OIP5: variants seen among roughly 807,000 people sequenced by gnomAD.
OIP5 encodes the protein Opa interacting protein 5, also known as protein Mis18-beta.
OIP5 carries 24 observed loss-of-function variants against 20.3 expected under a neutral mutation model. The observed-to-expected ratio is 1.18, with a 90% CI of 0.86 to 1.66. OIP5 has a LOEUF of 1.66. Ranked by LOEUF, OIP5 falls within the 40% of genes most tolerant of loss-of-function variation. The pLI is 0.00. For synonymous variants in OIP5, 143 were observed against 121.3 expected, an observed-to-expected ratio of 1.18 and a Z score of -1.17; for missense variants, 339 against 289.5, an observed-to-expected ratio of 1.17 and a Z score of -1.24.
chr15:41,321,966 G>C (rs189195236), intron 2 of OIP5, among the ~76,000 whole-genome samples: 9 of 151,488 alleles, frequency 5.9e-5, no homozygotes, highest in Non-Finnish European at 1.0e-4. Context: ...AAAAAAATGC[G>C]CAGACTAAAA....
intron 2 of OIP5, among the ~76,000 whole-genome samples, chr15:41,325,134 G>A (rs188495175): frequency 6.6e-4 from 101 of 152,204 alleles, no homozygotes; most frequent in Admixed American, 6.5e-5. Context: ...AGAATTGGCC[G>A]GGCGCAGTGG....
intron 2 of OIP5, among the ~76,000 whole-genome samples, chr15:41,322,089 T>C (rs964265770): frequency 1.6e-4 from 25 of 152,150 alleles, no homozygotes; most frequent in African/African-American, 5.8e-4. Context: ...TCATTACAAT[T>C]CTTGAGCAAG....
At chr15:41,318,304 G>A (rs186250157) in intron 3 of OIP5, among the ~76,000 whole-genome samples, 6 of 152,288 alleles carry the variant, frequency 3.9e-5, no homozygotes, top group African/African-American at 1.4e-4. Flanking sequence ...TGCGACCACA[G>A]GCGTGTGCCA....
At chr15:41,309,879 C>T in intron 4 of OIP5, 30 bp from the exon 5 acceptor site, 6 of 1,482,444 alleles carry the variant, frequency 4.0e-6, no homozygotes, top group Non-Finnish European at 5.6e-6. Context: ...GATATCAGGG[C>T]ATCTTTTTTT....
At chr15:41,317,570 AC>A (rs2047795925) in intron 3 of OIP5, among the ~76,000 whole-genome samples, 1 of 151,540 alleles carries the variant, frequency 6.6e-6, no homozygotes, top group African/African-American at 2.4e-5. Flanking sequence ...TTTAGTAGAG[AC>A]GGGGTTTCCC....
intron 2 of OIP5, among the ~76,000 whole-genome samples, chr15:41,323,645 A>G (rs1197758093): frequency 6.6e-6 from 1 of 151,848 alleles, no homozygotes. Flanking sequence ...TAATTTTTAA[A>G]TTTTTCGTAG....
intron 2 of OIP5, among the ~76,000 whole-genome samples, chr15:41,327,077 TA>T (rs199500490): frequency 0.22 from 31,994 of 143,696 alleles, 3,552 homozygotes; most frequent in Non-Finnish European, 0.26. Flanking sequence ...CTCCAGGAAT[TA>T]AAAAAAAAAA....
chr15:41,321,509 A>G (rs2047828090), intron 2 of OIP5, among the ~76,000 whole-genome samples: 1 of 152,234 alleles, frequency 6.6e-6, no homozygotes. Flanking sequence ...AAAGATTGAG[A>G]AATCGGATGG....
At chr15:41,316,810 A>AG in intron 3 of OIP5, among the ~76,000 whole-genome samples, 1 of 150,774 alleles carries the variant, frequency 6.6e-6, no homozygotes, top group South Asian at 2.1e-4. Flanking sequence ...AAAAAAAAAA[A>AG]GACATGAGAA....
intron 2 of OIP5, among the ~76,000 whole-genome samples, chr15:41,321,212 C>T (rs925293716): frequency 2.0e-5 from 3 of 148,910 alleles, no homozygotes; most frequent in African/African-American, 5.0e-5. Flanking sequence ...GGGGGGTCAG[C>T]CCCCCGCCCG....
intron 4 of OIP5, among the ~76,000 whole-genome samples, chr15:41,311,298 A>G (rs1289801019): frequency 1.3e-5 from 2 of 152,196 alleles, no homozygotes; most frequent in Non-Finnish European, 2.9e-5. Flanking sequence ...TATTTTTAGT[A>G]GAGACAAGGA....
chr15:41,324,583 G>A (rs1036895694), intron 2 of OIP5, among the ~76,000 whole-genome samples: 12 of 151,966 alleles, frequency 7.9e-5, no homozygotes, highest in African/African-American at 2.4e-4. Flanking sequence ...TCCGCCTCCC[G>A]GGTTCAAGCA....
At position 41,309,834 on chromosome 15, in the gene OIP5, C is replaced by A. The variant is rs757115076; in HGVS notation, c.610G>T (p.Val204Leu). The A allele has an allele frequency of 3.1e-6, 5 of 1,612,086 alleles. No individual in the cohort carries two copies. Among genetic ancestry groups the A allele is most frequent in the Non-Finnish European group, 4.2e-6 (5 of 1,178,462 alleles). Residue 204 changes from valine (V) to leucine (L), a missense_variant, in exon 5 of 5, where the codon GTG (valine) becomes TTG (leucine). Val to Leu is a conservative substitution (Grantham distance 32). Coordinates refer to ENST00000220514, the MANE Select transcript of OIP5 (RefSeq NM_007280.2). The stretch of plus-strand genomic sequence containing the variant: ...GATTTTAAGCGATTGTGCGTTAGCA[C>A]TATCTTCTCTTTCAGCTAGGAAGAG... ...EKIAELKEKI[V>L]LTHNRLKSLM...
At chr15:41,325,721 G>T (rs149670004) in intron 2 of OIP5, among the ~76,000 whole-genome samples, 2 of 150,930 alleles carry the variant, frequency 1.3e-5, no homozygotes, top group African/African-American at 4.9e-5. Context: ...GTGGTGGCAC[G>T]CACCTGTAAT....
intron 3 of OIP5, among the ~76,000 whole-genome samples, chr15:41,316,698 G>A (rs978845317): frequency 6.8e-6 from 1 of 146,998 alleles, no homozygotes; most frequent in Non-Finnish European, 1.5e-5. Context: ...GCTGAGGCAG[G>A]AGAATGGTGT....
In OIP5 at chr15:41,316,060, G is replaced by A. The variant is rs534554292; in HGVS notation, c.513-2706C>T. Among the ~76,000 whole-genome samples the A allele has an allele frequency of 3.8e-3, 585 of 152,212 alleles. 5 individuals carry two copies. The highest frequency in any genetic ancestry group is 0.013 in the African/African-American group (552 of 41,536). Reference sequence around the variant, plus strand: ...GGACAATGGCGTGAACCTGGGAGGCGGAGCTTGCAGTGAGCCGAGATGGTG... The same window carrying A: ...GGACAATGGCGTGAACCTGGGAGGCAGAGCTTGCAGTGAGCCGAGATGGTG... On this transcript the variant is annotated intron_variant, in intron 3 of 4. Coordinates refer to ENST00000220514, the MANE Select transcript of OIP5 (RefSeq NM_007280.2).
intron 3 of OIP5, among the ~76,000 whole-genome samples, 197 bp from the exon 4 acceptor site, chr15:41,313,551 A>C (rs997393603): frequency 2.6e-5 from 4 of 152,100 alleles, no homozygotes; most frequent in Admixed American, 6.6e-5. Flanking sequence ...CCACAGACTA[A>C]AAATATTCAG....
intron 3 of OIP5, among the ~76,000 whole-genome samples, chr15:41,317,626 C>T (rs2047796199): frequency 6.6e-6 from 1 of 151,950 alleles, no homozygotes; most frequent in South Asian, 2.1e-4. Context: ...ATGATCTGCC[C>T]ACCTCGGCCT....
At chr15:41,323,808 T>C (rs1385820390) in intron 2 of OIP5, among the ~76,000 whole-genome samples, 1 of 152,028 alleles carries the variant, frequency 6.6e-6, no homozygotes, top group Admixed American at 6.6e-5. Context: ...TTTCTACCTA[T>C]GAAAGTCTGA....
Sources: allele counts gnomAD v4.1 joint callset (sites outside exome capture counted in the v4.1 genomes callset), GRCh38; gene constraint gnomAD v4.1.1; transcripts MANE v1.5; gene names NCBI Gene and HGNC (gene_info 2026-07-23, HGNC 2026-07-21).